Variants in SLC9A9 observed in about 807,000 individuals in gnomAD.
The protein encoded by SLC9A9 is solute carrier family 9 member A9.
In SLC9A9, 62 loss-of-function variants were observed where a neutral mutation model predicts 77.8. The ratio of observed to expected loss-of-function variants is 0.80; its 90% confidence interval spans 0.65 to 0.98. The LOEUF (loss-of-function observed/expected upper bound fraction) is 0.98, where lower values mean the gene tolerates loss of function less well. Ranked by LOEUF, SLC9A9 falls within the 50% of genes least tolerant of loss-of-function variation. The probability of loss-of-function intolerance (pLI) is 0.00; values close to 1 mark genes in which losing one functional copy is unlikely to be tolerated. For missense variants in SLC9A9, 775 were observed against 774.9 expected, an observed-to-expected ratio of 1.00 and a Z score of 0.00; for synonymous variants, 320 against 283.5, an observed-to-expected ratio of 1.13 and a Z score of -1.29.
intron 14 of SLC9A9, among the ~76,000 whole-genome samples, chr3:143,352,394 G>A (rs940134803): frequency 1.3e-5 from 2 of 152,182 alleles, no homozygotes; most frequent in African/African-American, 2.4e-5. Context: ...GTTTATAGGC[G>A]ACAGGTCAGT....
intron 8 of SLC9A9, among the ~76,000 whole-genome samples, chr3:143,561,190 T>C (rs1286861087): frequency 6.6e-6 from 1 of 152,076 alleles, no homozygotes; most frequent in African/African-American, 2.4e-5. Context: ...TCAAAATAAA[T>C]AAGTAAATAA....
At chr3:143,318,035 T>G (rs2031286297) in intron 14 of SLC9A9, among the ~76,000 whole-genome samples, 2 of 152,200 alleles carry the variant, frequency 1.3e-5, no homozygotes, top group East Asian at 3.9e-4. Flanking sequence ...CCTCATTTTC[T>G]TCCTTCTCTC....
chr3:143,709,352 G>A (rs190380990), intron 4 of SLC9A9, among the ~76,000 whole-genome samples: 51 of 152,178 alleles, frequency 3.4e-4, no homozygotes, highest in African/African-American at 1.0e-3. Flanking sequence ...ATAAGTGCTC[G>A]AAATTAATAC....
At chr3:143,683,909 A>G (rs937446815) in intron 5 of SLC9A9, among the ~76,000 whole-genome samples, 2 of 152,060 alleles carry the variant, frequency 1.3e-5, no homozygotes, top group African/African-American at 4.8e-5. Context: ...ACAAGCAAAA[A>G]TATACATGTC....
At chr3:143,692,898 T>G (rs1398815864) in intron 5 of SLC9A9, among the ~76,000 whole-genome samples, 1 of 152,190 alleles carries the variant, frequency 6.6e-6, no homozygotes, top group Non-Finnish European at 1.5e-5. Flanking sequence ...CAAAGCCATC[T>G]TGGGCTGCAT....
chr3:143,325,908 GAGTT>G (rs1576426384), intron 14 of SLC9A9, among the ~76,000 whole-genome samples: 1 of 152,280 alleles, frequency 6.6e-6, no homozygotes, highest in African/African-American at 2.4e-5. Flanking sequence ...CCTCAATAAA[GAGTT>G]AGGCATCATA....
intron 14 of SLC9A9, among the ~76,000 whole-genome samples, chr3:143,332,264 G>T (rs2031795167): frequency 1.3e-5 from 2 of 151,770 alleles, no homozygotes; most frequent in Non-Finnish European, 1.5e-5. Flanking sequence ...GCTGAGCCCA[G>T]GCCAACCCTT....
chr3:143,297,578 G>C (rs551414236), intron 14 of SLC9A9, among the ~76,000 whole-genome samples: 9 of 152,056 alleles, frequency 5.9e-5, no homozygotes, highest in African/African-American at 2.2e-4. Flanking sequence ...AAAAAATGCC[G>C]TTGGAATTTT....
intron 12 of SLC9A9, among the ~76,000 whole-genome samples, chr3:143,389,888 G>A (rs1368578057): frequency 1.3e-5 from 2 of 151,970 alleles, no homozygotes; most frequent in African/African-American, 4.8e-5. Flanking sequence ...AAGAAAGGGG[G>A]GTTCTATAAT....
chr3:143,324,722 T>C (rs1443962094), intron 14 of SLC9A9, among the ~76,000 whole-genome samples: 2 of 152,106 alleles, frequency 1.3e-5, no homozygotes, highest in African/African-American at 2.4e-5. Context: ...CTTGGGAGGC[T>C]GAGGCAGGAA....
At chr3:143,279,612 G>T (rs1400870493) in intron 14 of SLC9A9, among the ~76,000 whole-genome samples, 2 of 151,876 alleles carry the variant, frequency 1.3e-5, no homozygotes, top group African/African-American at 4.8e-5. Context: ...CCCCTCCCTG[G>T]GTCCATGTGT....
At position 143,280,073 on chromosome 3, in the gene SLC9A9, A is replaced by G. The variant is rs183497761; in HGVS notation, c.1605-11093T>C. 3.5e-3 allele frequency among the ~76,000 whole-genome samples: 527 copies of G among 152,236 alleles called. 4 individuals are homozygous for G. The highest frequency in any genetic ancestry group is 0.012 in the African/African-American group (492 of 41,528). On this transcript the variant is annotated intron_variant, in intron 14 of 15. Transcript: ENST00000316549. ...TGTGCTCAAGCAATTCTCCCGCCTTAGCCTCCCAAGGTGCTGGGATTATAG... is the reference window on the plus strand; with the variant it reads ...TGTGCTCAAGCAATTCTCCCGCCTTGGCCTCCCAAGGTGCTGGGATTATAG...
intron 7 of SLC9A9, 79 bp downstream of exon 7, chr3:143,578,506 G>GT (rs2037400280): frequency 1.2e-6 from 2 of 1,602,856 alleles, no homozygotes; most frequent in East Asian, 4.5e-5. Flanking sequence ...GGGCCTGGAG[G>GT]TTGTCCATCA....
intron 4 of SLC9A9, among the ~76,000 whole-genome samples, chr3:143,708,937 C>CAAAA (rs944975711): frequency 1.2e-4 from 19 of 152,096 alleles, no homozygotes; most frequent in Admixed American, 1.0e-3. Flanking sequence ...ATAAAAGGTT[C>CAAAA]AGAGGAGGGA....
At chr3:143,543,769 A>ATTTTTTTTTTTTTTTTTTTTTTTT (rs1480330623) in intron 9 of SLC9A9, among the ~76,000 whole-genome samples, 1 of 152,008 alleles carries the variant, frequency 6.6e-6, no homozygotes, top group Non-Finnish European at 1.5e-5. Flanking sequence ...TATGTACCAC[A>ATTTTTTTTTTTTTTTTTTTTTTTT]TTTTCTTTAT....
intron 14 of SLC9A9, chr3:143,342,374 A>C (rs1215188602): frequency 1.3e-5 from 2 of 152,178 alleles, no homozygotes; most frequent in Non-Finnish European, 2.9e-5. Context: ...TAGTAGAGAC[A>C]GGGTTTTGCC....
At chr3:143,476,161 G>A (rs949542289) in intron 11 of SLC9A9, among the ~76,000 whole-genome samples, 1 of 151,992 alleles carries the variant, frequency 6.6e-6, no homozygotes, top group East Asian at 1.9e-4. Flanking sequence ...AATGTTCCAG[G>A]ATAATGCAAT....
intron 14 of SLC9A9, among the ~76,000 whole-genome samples, chr3:143,290,852 T>C (rs1023319683): frequency 3.3e-5 from 5 of 152,208 alleles, no homozygotes; most frequent in African/African-American, 1.2e-4. Context: ...CCAGACTTCA[T>C]GTACTATGGA....
At chr3:143,829,594 A>G (rs548427756) in intron 2 of SLC9A9, among the ~76,000 whole-genome samples, 48 of 152,352 alleles carry the variant, frequency 3.2e-4, no homozygotes, top group African/African-American at 1.0e-3. Flanking sequence ...TGAATTATAT[A>G]CAAGTATCCA....
Sources: allele counts gnomAD v4.1 joint callset (sites outside exome capture counted in the v4.1 genomes callset), GRCh38; gene constraint gnomAD v4.1.1; transcripts MANE v1.5; gene names NCBI Gene and HGNC (gene_info 2026-07-23, HGNC 2026-07-21).